Variants in ZFAND6 observed in about 807,000 individuals in gnomAD.
The protein encoded by ZFAND6 is zinc finger AN1-type containing 6, also known as AN1-type zinc finger protein 6.
Under a neutral mutation model 24.5 loss-of-function variants are expected in ZFAND6, and 12 were observed. The ratio of observed to expected loss-of-function variants is 0.49; its 90% CI spans 0.31 to 0.79. The LOEUF (loss-of-function observed/expected upper bound fraction) is 0.79, where lower values mean the gene tolerates loss of function less well. ZFAND6 is among the 30% of genes least tolerant of loss of function. The probability of loss-of-function intolerance (pLI) is 0.04; values close to 1 mark genes in which losing one functional copy is unlikely to be tolerated. For missense variants in ZFAND6, 207 were observed against 245.9 expected, an observed-to-expected ratio of 0.84 and a Z score of 1.06; for synonymous variants, 92 against 81.5, an observed-to-expected ratio of 1.13 and a Z score of -0.69.
intron 2 of ZFAND6, 98 bp downstream of exon 2, chr15:80,098,676 T>C (rs1362112378): frequency 6.6e-6 from 1 of 152,174 alleles, no homozygotes; most frequent in Non-Finnish European, 1.5e-5. Flanking sequence ...TAAGTCATCA[T>C]GATGAGACAT....
intron 1 of ZFAND6, among the ~76,000 whole-genome samples, chr15:80,074,847 A>G (rs1471859965): frequency 6.6e-6 from 1 of 151,984 alleles, no homozygotes; most frequent in Admixed American, 6.5e-5. Context: ...TCTAGAATAA[A>G]CTTAAGTTGT....
At chr15:80,119,688 T>G (rs1361549453) in intron 2 of ZFAND6, among the ~76,000 whole-genome samples, 1 of 152,200 alleles carries the variant, frequency 6.6e-6, no homozygotes, top group African/African-American at 2.4e-5. Context: ...TTTCTGATTA[T>G]ACTCTAGTCA....
At chr15:80,103,698 A>G (rs1415966844) in intron 2 of ZFAND6, among the ~76,000 whole-genome samples, 1 of 152,194 alleles carries the variant, frequency 6.6e-6, no homozygotes, top group Non-Finnish European at 1.5e-5. Context: ...TGAAGCAGAA[A>G]TTTGTAACCC....
intron 1 of ZFAND6, among the ~76,000 whole-genome samples, chr15:80,095,141 C>T (rs1007677711): frequency 6.6e-6 from 1 of 152,162 alleles, no homozygotes; most frequent in Non-Finnish European, 1.5e-5. Flanking sequence ...TGCCACATCT[C>T]TTTATTCTCC....
chr15:80,112,285 A>G (rs564076597), intron 2 of ZFAND6, among the ~76,000 whole-genome samples: 1 of 152,318 alleles, frequency 6.6e-6, no homozygotes, highest in Non-Finnish European at 1.5e-5. Context: ...CAGAGAAACT[A>G]CAAAGCACAG....
intron 1 of ZFAND6, among the ~76,000 whole-genome samples, chr15:80,078,618 T>C (rs1346071704): frequency 6.6e-6 from 1 of 152,234 alleles, no homozygotes; most frequent in African/African-American, 2.4e-5. Context: ...TGTTTTAAGT[T>C]CTTTGGGAAA....
intron 6 of ZFAND6, among the ~76,000 whole-genome samples, chr15:80,136,380 G>A (rs1242446128): frequency 1.3e-5 from 2 of 151,960 alleles, no homozygotes; most frequent in Non-Finnish European, 2.9e-5. Flanking sequence ...CAGGAGAATG[G>A]CTTGAACGCA....
At chr15:80,097,538 A>G (rs1420952880) in intron 1 of ZFAND6, among the ~76,000 whole-genome samples, 4 of 151,936 alleles carry the variant, frequency 2.6e-5, no homozygotes, top group Non-Finnish European at 5.9e-5. Flanking sequence ...AGTCCCAGCT[A>G]CTCAGGTGAC....
intron 1 of ZFAND6, among the ~76,000 whole-genome samples, chr15:80,088,443 G>A (rs1267853252): frequency 6.6e-6 from 1 of 152,130 alleles, no homozygotes; most frequent in Non-Finnish European, 1.5e-5. Context: ...GTGCACGCCT[G>A]TAATCCCAGC....
At chr15:80,071,910 C>T (rs2037001010) in intron 1 of ZFAND6, among the ~76,000 whole-genome samples, 1 of 152,006 alleles carries the variant, frequency 6.6e-6, no homozygotes, top group African/African-American at 2.4e-5. Flanking sequence ...AATAGTATTT[C>T]TGCCCAGTAT....
At chr15:80,109,030 A>G (rs1359133096) in intron 2 of ZFAND6, among the ~76,000 whole-genome samples, 1 of 152,122 alleles carries the variant, frequency 6.6e-6, no homozygotes, top group African/African-American at 2.4e-5. Context: ...GCCTGCAGGC[A>G]TCTTTGTTCA....
chr15:80,118,016 T>TGTGTGTG (rs1555434595), intron 2 of ZFAND6, among the ~76,000 whole-genome samples: 1 of 150,304 alleles, frequency 6.7e-6, no homozygotes, highest in Non-Finnish European at 1.5e-5. Flanking sequence ...AGGTATTGAA[T>TGTGTGTG]TGTGTGTGTG....
chr15:80,135,002 A>G lies in ZFAND6; in HGVS notation c.479-2478A>G, dbSNP rs1472661142. 2.0e-5 allele frequency among the ~76,000 whole-genome samples: 3 copies of G among 152,168 alleles called. No homozygotes were observed. In the East Asian group the frequency reaches 5.8e-4, roughly 29 times the overall value. On this transcript the variant is annotated intron_variant, in intron 6 of 6. Transcript: ENST00000261749. ...AAAAAGCAGAAAAGTCAGAAATTACATTGTATTTCCATAAAGTTACACCAA... is the reference window on the plus strand; with the variant it reads ...AAAAAGCAGAAAAGTCAGAAATTACGTTGTATTTCCATAAAGTTACACCAA...
At chr15:80,081,398 A>C (rs1009294021) in intron 1 of ZFAND6, among the ~76,000 whole-genome samples, 8 of 152,252 alleles carry the variant, frequency 5.3e-5, no homozygotes, top group Non-Finnish European at 1.2e-4. Flanking sequence ...TAAAGACTTT[A>C]GACAAATTTA....
chr15:80,084,403 A>T (rs910471100), intron 1 of ZFAND6, among the ~76,000 whole-genome samples: 1 of 152,216 alleles, frequency 6.6e-6, no homozygotes, highest in Non-Finnish European at 1.5e-5. Context: ...AAATACAAAA[A>T]AATTTGAAAT....
chr15:80,113,634 C>G (rs914909432), intron 2 of ZFAND6, among the ~76,000 whole-genome samples: 2 of 152,054 alleles, frequency 1.3e-5, no homozygotes, highest in African/African-American at 4.8e-5. Context: ...AGTTTTCTCC[C>G]CTTTTCAACA....
At chr15:80,136,523 T>A (rs890804671) in intron 6 of ZFAND6, among the ~76,000 whole-genome samples, 7 of 152,078 alleles carry the variant, frequency 4.6e-5, no homozygotes, top group African/African-American at 1.4e-4. Context: ...GACTTCAAGA[T>A]TAGAAGGGTG....
intron 5 of ZFAND6, among the ~76,000 whole-genome samples, chr15:80,127,562 C>T (rs2040418176): frequency 6.9e-6 from 1 of 143,934 alleles, no homozygotes; most frequent in Non-Finnish European, 1.5e-5. Context: ...TGCACTCCAG[C>T]CTGGGCAAAA....
intron 1 of ZFAND6, among the ~76,000 whole-genome samples, chr15:80,093,656 C>T (rs1403459598): frequency 6.6e-6 from 1 of 152,142 alleles, no homozygotes; most frequent in East Asian, 1.9e-4. Flanking sequence ...ACCCAGAAGG[C>T]GGAGGTTGCA....
Sources: allele counts gnomAD v4.1 joint callset (sites outside exome capture counted in the v4.1 genomes callset), GRCh38; gene constraint gnomAD v4.1.1; transcripts MANE v1.5; gene names NCBI Gene and HGNC (gene_info 2026-07-23, HGNC 2026-07-21).